TBC1D9: variants seen among roughly 807,000 people sequenced by gnomAD.
The protein encoded by TBC1D9 is TBC1 domain family member 9A.
Under a neutral mutation model 132.0 loss-of-function variants are expected in TBC1D9, and 63 were observed. The ratio of observed to expected loss-of-function variants is 0.48; its 90% CI spans 0.39 to 0.59. The LOEUF (loss-of-function observed/expected upper bound fraction) is 0.59, where lower values mean the gene tolerates loss of function less well. Ranked by LOEUF, TBC1D9 falls within the 20% of genes least tolerant of loss-of-function variation. The pLI is 0.00. For synonymous variants in TBC1D9, 610 were observed against 609.9 expected, an observed-to-expected ratio of 1.00 and a Z score of 0.00; for missense variants, 1,261 against 1,592.7, an observed-to-expected ratio of 0.79 and a Z score of 3.54.
At chr4:140,643,747 C>T (rs1405415276) in intron 13 of TBC1D9, 2 of 1,128,654 alleles carry the variant, frequency 1.8e-6, no homozygotes, top group Admixed American at 2.1e-5. Context: ...TCCACGCATG[C>T]TTCAGGCCCC....
At chr4:140,642,581 T>A (rs1253269706) in intron 13 of TBC1D9, 1 of 949,896 alleles carries the variant, frequency 1.1e-6, no homozygotes, top group Admixed American at 2.1e-5. Context: ...CAACTGCTCC[T>A]GGTCGCTGTC....
At chr4:140,646,514 T>C (rs575803326) in intron 13 of TBC1D9, among the ~76,000 whole-genome samples, 1 of 152,316 alleles carries the variant, frequency 6.6e-6, no homozygotes, top group African/African-American at 2.4e-5. Context: ...TAATCCTGTA[T>C]TTTTTTCTGA....
At chr4:140,730,451 T>C (rs1344622291) in intron 1 of TBC1D9, among the ~76,000 whole-genome samples, 1 of 152,166 alleles carries the variant, frequency 6.6e-6, no homozygotes, top group Non-Finnish European at 1.5e-5. Flanking sequence ...GGGCCGGGCA[T>C]GGTGACTCAT....
Position 140,724,420 on chromosome 4 carries a change from G to A in TBC1D9, c.131-22806C>T, listed in dbSNP as rs192622211. Among the ~76,000 whole-genome samples the A allele has an allele frequency of 3.3e-5, 5 of 152,256 alleles. No homozygotes were observed. In the East Asian group the frequency reaches 9.6e-4, roughly 29 times the overall value. On this transcript the variant is annotated intron_variant, in intron 1 of 20. Transcript: ENST00000442267. ...TCCAGCCTCACATAACTATGATCTG[G>A]CCCAGGTACACAGCGGCCATTTTCT...
chr4:140,704,567 G>T (rs1417725437), intron 1 of TBC1D9, among the ~76,000 whole-genome samples: 1 of 152,060 alleles, frequency 6.6e-6, no homozygotes, highest in African/African-American at 2.4e-5. Flanking sequence ...GCAGCGGACA[G>T]GGGCAGTCCT....
chr4:140,688,671 G>C (rs970827663), intron 2 of TBC1D9, among the ~76,000 whole-genome samples: 1 of 152,038 alleles, frequency 6.6e-6, no homozygotes, highest in African/African-American at 2.4e-5. Context: ...CCTGTGGAGA[G>C]AGAGAGACTC....
At chr4:140,735,919 A>G (rs1738666734) in intron 1 of TBC1D9, among the ~76,000 whole-genome samples, 1 of 152,168 alleles carries the variant, frequency 6.6e-6, no homozygotes, top group South Asian at 2.1e-4. Context: ...GGGATGGATC[A>G]CAGCTCATTA....
intron 13 of TBC1D9, among the ~76,000 whole-genome samples, chr4:140,653,856 AG>A (rs1363879646): frequency 6.6e-6 from 1 of 152,238 alleles, no homozygotes; most frequent in Admixed American, 6.5e-5. Flanking sequence ...GTCCTGTGAT[AG>A]GATGTCTGGC....
At chr4:140,711,137 G>C (rs1227150381) in intron 1 of TBC1D9, among the ~76,000 whole-genome samples, 1 of 152,154 alleles carries the variant, frequency 6.6e-6, no homozygotes, top group East Asian at 1.9e-4. Context: ...CCTCAAAGAA[G>C]CCCCTCAAAA....
chr4:140,744,879 TAAAAAAA>T (rs34469042), intron 1 of TBC1D9, among the ~76,000 whole-genome samples: 8 of 107,514 alleles, frequency 7.4e-5, no homozygotes, highest in African/African-American at 2.1e-4. Flanking sequence ...CAAGAGTGTT[TAAAAAAA>T]AAAAAAAAAA....
chr4:140,653,594 C>T (rs1395658309), intron 13 of TBC1D9, among the ~76,000 whole-genome samples: 1 of 151,902 alleles, frequency 6.6e-6, no homozygotes, highest in Non-Finnish European at 1.5e-5. Flanking sequence ...ATGTAATGCA[C>T]AGACAGGATT....
At chr4:140,713,662 C>A (rs1738284254) in intron 1 of TBC1D9, among the ~76,000 whole-genome samples, 1 of 151,684 alleles carries the variant, frequency 6.6e-6, no homozygotes, top group Non-Finnish European at 1.5e-5. Flanking sequence ...TCACTTGAGC[C>A]CAGGAGGTAG....
At chr4:140,724,998 G>A (rs1195733360) in intron 1 of TBC1D9, among the ~76,000 whole-genome samples, 4 of 152,104 alleles carry the variant, frequency 2.6e-5, no homozygotes, top group Non-Finnish European at 5.9e-5. Context: ...AGGGGAATTT[G>A]GCAATACCTA....
At chr4:140,679,390 T>C (rs58951856) in intron 4 of TBC1D9, among the ~76,000 whole-genome samples, 187 bp from the exon 5 acceptor site, 17,149 of 152,234 alleles carry the variant, frequency 0.11, 1,282 homozygotes, top group Non-Finnish European at 0.16. Flanking sequence ...GAATTATAGA[T>C]TTAATCCATG....
At chr4:140,683,710 A>G (rs564379909) in intron 3 of TBC1D9, among the ~76,000 whole-genome samples, 2 of 152,396 alleles carry the variant, frequency 1.3e-5, no homozygotes, top group East Asian at 1.9e-4. Flanking sequence ...ACTTCTACCT[A>G]TTATATTTGA....
chr4:140,636,079 T>C (rs1736875242), intron 15 of TBC1D9, among the ~76,000 whole-genome samples: 1 of 152,196 alleles, frequency 6.6e-6, no homozygotes, highest in South Asian at 2.1e-4. Context: ...GTGCAGGCAC[T>C]TTCATGGTGC....
At chr4:140,733,223 A>G (rs1374170393) in intron 1 of TBC1D9, among the ~76,000 whole-genome samples, 2 of 152,236 alleles carry the variant, frequency 1.3e-5, no homozygotes, top group Non-Finnish European at 2.9e-5. Flanking sequence ...AATTGTTTAA[A>G]GTTTTGAAAA....
intron 1 of TBC1D9, among the ~76,000 whole-genome samples, chr4:140,703,399 T>C (rs535607725): frequency 1.4e-4 from 21 of 152,346 alleles, no homozygotes; most frequent in Admixed American, 1.3e-3. Flanking sequence ...CCCACTGCTC[T>C]GGCATCCTGG....
intron 3 of TBC1D9, among the ~76,000 whole-genome samples, chr4:140,680,948 T>C (rs910093636): frequency 1.3e-5 from 2 of 152,222 alleles, no homozygotes; most frequent in African/African-American, 4.8e-5. Flanking sequence ...AAAATCTAGA[T>C]CATGTACACT....
Sources: gnomAD v4.1 joint callset for allele counts (sites outside exome capture counted in the v4.1 genomes callset) on GRCh38, gnomAD v4.1.1 for gene constraint, MANE v1.5 for transcripts, NCBI Gene and HGNC (gene_info 2026-07-23, HGNC 2026-07-21) for gene names.